The following DYNC2I1 variants were observed in gnomAD, a reference collection of about 807,000 sequenced individuals.
DYNC2I1 encodes the protein dynein 2 intermediate chain 1.
A neutral mutation model predicts 133.4 loss-of-function variants in DYNC2I1; 89 were observed. That is an observed-to-expected ratio of 0.67 (90% CI 0.56 to 0.80). The LOEUF is 0.80. Ranked by LOEUF, DYNC2I1 falls within the 30% of genes least tolerant of loss-of-function variation. The probability of loss-of-function intolerance (pLI) is 0.00; values close to 1 mark genes in which losing one functional copy is unlikely to be tolerated. For missense variants in DYNC2I1, 1,291 were observed against 1,314.5 expected (o/e 0.98, Z 0.28); for synonymous variants, 504 against 484.3 (o/e 1.04, Z -0.54).
chr7:158,899,429 A>G (rs1203109145), intron 8 of DYNC2I1, among the ~76,000 whole-genome samples: 1 of 152,228 alleles, frequency 6.6e-6, no homozygotes, highest in African/African-American at 2.4e-5. Flanking sequence ...TGTTAGATCA[A>G]TTAAGGAAAA....
At position 158,905,227 on chromosome 7, in the gene DYNC2I1, A is replaced by G. The variant is rs1345592069; in HGVS notation, c.1358-762A>G. On this transcript the variant is annotated intron_variant, in intron 10 of 24. Coordinates refer to ENST00000407559, the MANE Select transcript of DYNC2I1 (RefSeq NM_018051.5). The stretch of plus-strand genomic sequence containing the variant: ...ATGATCTCGGCTCACTGCAACCTTC[A>G]TTTCCTGGATTCAAGCGATTCTTCT... 1.7e-5 allele frequency: 6 copies of G among 357,562 alleles called. No individual in the cohort carries two copies. The East Asian group carries it at 4.9e-4, about 29-fold the overall frequency. The allele number at this position is 357,562 out of a possible 1,614,324, so 22.1% of individuals were successfully genotyped here.
chr7:158,883,028 A>G (rs1339161141), intron 5 of DYNC2I1, among the ~76,000 whole-genome samples: 1 of 152,060 alleles, frequency 6.6e-6, no homozygotes, highest in Non-Finnish European at 1.5e-5. Flanking sequence ...AATTAGTATC[A>G]ATTTTAGATA....
At chr7:158,885,422 A>G (rs1409144649) in intron 6 of DYNC2I1, among the ~76,000 whole-genome samples, 1 of 147,430 alleles carries the variant, frequency 6.8e-6, no homozygotes, top group Non-Finnish European at 1.5e-5. Context: ...GCTCACTGCA[A>G]CCTCCGCCTC....
At chr7:158,901,671 C>T in intron 8 of DYNC2I1, 68 bp from the exon 9 acceptor site, 1 of 982,958 alleles carries the variant, frequency 1.0e-6, no homozygotes, top group Admixed American at 2.5e-5. Flanking sequence ...ATATGTTTTC[C>T]CAATCTATTT....
chr7:158,916,468 A>T (rs1295202822), intron 14 of DYNC2I1, among the ~76,000 whole-genome samples: 2 of 70,820 alleles, frequency 2.8e-5, no homozygotes, highest in African/African-American at 9.8e-5. Context: ...ATTTAGGATG[A>T]TTGTGAAACG....
rs1842872182 is a variant in DYNC2I1 at position 158,871,516 on chromosome 7, A to G, written c.444A>G (p.Thr148=). The change falls in exon 3 of 25, where the codon ACA becomes ACG. Residue 148 remains threonine (T), a synonymous_variant. Coordinates refer to ENST00000407559, the MANE Select transcript of DYNC2I1 (RefSeq NM_018051.5). ...ACCACAACCTGCTGGGCCAGGAGAC[A>G]CGCGACCGGCAGCTCCTGGAGCGGG... ...VAHHNLLGQE[T]RDRQLLERAE... is the part of the protein sequence containing the mutation. The G allele has an allele frequency of 5.2e-6, 8 of 1,545,666 alleles. No homozygotes were observed. Among genetic ancestry groups the G allele is most frequent in the African/African-American group, 1.4e-5 (1 of 72,922 alleles).
intron 5 of DYNC2I1, among the ~76,000 whole-genome samples, chr7:158,882,235 T>C (rs997890715): frequency 2.6e-5 from 4 of 152,154 alleles, no homozygotes; most frequent in African/African-American, 9.7e-5. Flanking sequence ...ACTGTTCTTA[T>C]GGTGCTTATG....
intron 3 of DYNC2I1, among the ~76,000 whole-genome samples, chr7:158,876,002 G>A (rs1394650423): frequency 1.3e-5 from 2 of 152,192 alleles, no homozygotes; most frequent in Admixed American, 6.5e-5. Flanking sequence ...AAATCTCTCT[G>A]TTCCTTAGTG....
At chr7:158,854,606 C>A (rs538746801), upstream of DYNC2I1, among the ~76,000 whole-genome samples, 25 of 151,790 alleles carry the variant, frequency 1.6e-4, no homozygotes, top group Non-Finnish European at 3.7e-4. Flanking sequence ...CAAACCTGCA[C>A]GTTCTGCACA....
At chr7:158,862,483 T>A (rs1399325735) in intron 1 of DYNC2I1, among the ~76,000 whole-genome samples, 5 of 147,528 alleles carry the variant, frequency 3.4e-5, no homozygotes. Context: ...CCTGGCACTT[T>A]GGGAGGGAGG....
At chr7:158,915,833 ACGT>A (rs1563163186) in intron 14 of DYNC2I1, among the ~76,000 whole-genome samples, 4 of 146,672 alleles carry the variant, frequency 2.7e-5, no homozygotes, top group Non-Finnish European at 3.0e-5. Context: ...TGATTGTGAA[ACGT>A]CAACACGCTG....
intron 24 of DYNC2I1, among the ~76,000 whole-genome samples, chr7:158,942,566 T>C (rs185685550): frequency 2.0e-5 from 3 of 152,374 alleles, no homozygotes; most frequent in Admixed American, 2.0e-4. Context: ...AGATTCATCA[T>C]GCGGTATTTC....
chr7:158,919,719 A>G (rs1176482140), intron 15 of DYNC2I1, among the ~76,000 whole-genome samples: 1 of 152,212 alleles, frequency 6.6e-6, no homozygotes, highest in Non-Finnish European at 1.5e-5. Context: ...TTTAACGTTA[A>G]CAAAAATGGC....
intron 5 of DYNC2I1, among the ~76,000 whole-genome samples, chr7:158,882,051 G>A (rs1292684580): frequency 6.6e-6 from 1 of 152,194 alleles, no homozygotes; most frequent in African/African-American, 2.4e-5. Context: ...AATGGTCGAT[G>A]AAGAACATTA....
At chr7:158,904,820 C>A in intron 10 of DYNC2I1, 1 of 213,422 alleles carries the variant, frequency 4.7e-6, no homozygotes, top group Non-Finnish European at 9.5e-6. Flanking sequence ...GGCCCCTGAC[C>A]CAGACAGGCA....
At chr7:158,927,326 C>A (rs1849722869) in intron 20 of DYNC2I1, among the ~76,000 whole-genome samples, 1 of 151,518 alleles carries the variant, frequency 6.6e-6, no homozygotes. Flanking sequence ...TTGCTTGAGC[C>A]TAGGAGTTTG....
At chr7:158,871,607 GTCGCTGCTGGTGACAGGTTGATAGC>G (rs144319444) in intron 3 of DYNC2I1, 45 bp downstream of exon 3, 69,428 of 1,480,516 alleles carry the variant, frequency 0.047, 1,936 homozygotes, top group African/African-American at 0.11. Context: ...GAGGTGCCGC[GTCGCTGCTGGTGACAGGTTGATAGC>G]TCGCTGCCTC....
chr7:158,910,647 G>A (rs1563151767), intron 11 of DYNC2I1, among the ~76,000 whole-genome samples: 1 of 150,176 alleles, frequency 6.7e-6, no homozygotes, highest in African/African-American at 2.5e-5. Flanking sequence ...TGTGGGCCGA[G>A]GGCAATTGGA....
the DYNC2I1 span, among the ~76,000 whole-genome samples, chr7:158,843,977 T>C: frequency 6.6e-6 from 1 of 151,972 alleles, no homozygotes; most frequent in Non-Finnish European, 1.5e-5. Flanking sequence ...CACCGGTGAG[T>C]GTGAATCTAC....
Sources: allele counts gnomAD v4.1 joint callset (sites outside exome capture counted in the v4.1 genomes callset), GRCh38; gene constraint gnomAD v4.1.1; transcripts MANE v1.5; gene names NCBI Gene and HGNC (gene_info 2026-07-23, HGNC 2026-07-21).